Variants in BBOF1 observed in about 807,000 individuals in gnomAD.
BBOF1 encodes basal body orientation factor 1.
Under a neutral mutation model 68.0 loss-of-function variants are expected in BBOF1, and 62 were observed. That is an observed-to-expected ratio of 0.91 (90% confidence interval 0.74 to 1.13). The LOEUF (loss-of-function observed/expected upper bound fraction) is 1.13, where lower values mean the gene tolerates loss of function less well. BBOF1 is among the 50% of genes most tolerant of loss of function. The probability of loss-of-function intolerance (pLI) is 0.00; values close to 1 mark genes in which losing one functional copy is unlikely to be tolerated. For synonymous variants in BBOF1, 208 were observed against 198.8 expected (o/e 1.05, Z -0.39); for missense variants, 534 against 600.1 (o/e 0.89, Z 1.15).
intron 11 of BBOF1, chr14:74,059,448 C>A (rs763961151): frequency 1.5e-5 from 7 of 452,622 alleles, no homozygotes; most frequent in South Asian, 1.1e-4. Flanking sequence ...GTAATCCCAG[C>A]ACTTTGGGAG....
At position 74,065,551 on chromosome 14, in the gene BBOF1, A is replaced by C; in HGVS notation, c.*852A>C. On this transcript the variant is annotated 3_prime_UTR_variant, in exon 12 of 12. Coordinates refer to ENST00000394009, the MANE Select transcript of BBOF1 (RefSeq NM_025057.3). ...AGTGTATTCCGTCTTCCAAGTTACC[A>C]ATCATATAAACAACTTGGAATTCCT... is the stretch of plus-strand genomic sequence containing the variant. 1 of 602,136 alleles carries C rather than the reference A, an allele frequency of 1.7e-6. No homozygotes were observed. Among genetic ancestry groups the C allele is most frequent in the Non-Finnish European group, 2.9e-6 (1 of 342,038 alleles). 37.3% of individuals were successfully genotyped at this position (602,136 alleles called of 1,614,324 possible). A position where few individuals can be genotyped will look rare whatever the true frequency, so the allele number is the denominator to read the frequency against.
chr14:74,076,258 T>C (rs1027150743), intron 9 of BBOF1, among the ~76,000 whole-genome samples: 14 of 152,214 alleles, frequency 9.2e-5, no homozygotes, highest in African/African-American at 3.4e-4. Context: ...AAAAAATGTG[T>C]TGGATAGATA....
chr14:74,045,204 C>G (rs1005812190), intron 5 of BBOF1, among the ~76,000 whole-genome samples: 1 of 152,278 alleles, frequency 6.6e-6, no homozygotes, highest in African/African-American at 2.4e-5. Context: ...AGATTTCACC[C>G]TAGAATATAA....
At position 74,019,499 on chromosome 14, in the gene BBOF1, C is replaced by G; in HGVS notation, c.21C>G (p.Asp7Glu). 6.2e-7 allele frequency: 1 copy of G among 1,606,230 alleles called. No homozygotes were observed. Among genetic ancestry groups the G allele is most frequent in the Non-Finnish European group, 8.5e-7 (1 of 1,176,172 alleles). ...CCAAGATGCCGTCGAAGGGAAAGGA[C>G]AAAAAGAAAGGCAAGAGCAAAGGCA... MPSKGK[D>E]KKKGKSKGKD... The change falls in exon 1 of 12, where the codon GAC becomes GAG. Residue 7 changes from aspartate (D) to glutamate (E), a missense_variant. Asp to Glu is a conservative substitution (Grantham distance 45, BLOSUM62 2). Transcript: ENST00000394009.
chr14:74,067,239 T>G (rs562257926), downstream of BBOF1: 18 of 1,039,992 alleles, frequency 1.7e-5, no homozygotes, highest in African/African-American at 2.9e-4. Context: ...ACAAGATGAC[T>G]CCAAATGACA....
intron 9 of BBOF1, among the ~76,000 whole-genome samples, chr14:74,076,446 CT>C (rs1188457861): frequency 2.0e-5 from 3 of 152,184 alleles, no homozygotes; most frequent in Non-Finnish European, 2.9e-5. Context: ...ACTGCAACCT[CT>C]GCCTCCCGTG....
downstream of BBOF1, among the ~76,000 whole-genome samples, chr14:74,067,997 T>TA (rs35503985): frequency 0.14 from 18,313 of 132,912 alleles, 1,396 homozygotes; most frequent in Admixed American, 0.21. Flanking sequence ...AGAGCAATGT[T>TA]AAAAAAAAAA....
chr14:74,047,321 C>T (rs893598017), intron 6 of BBOF1, among the ~76,000 whole-genome samples: 1 of 152,126 alleles, frequency 6.6e-6, no homozygotes, highest in African/African-American at 2.4e-5. Flanking sequence ...GAGTTTTTCA[C>T]GTCTAGTCAT....
chr14:74,030,572 T>G (rs1205588169), intron 3 of BBOF1, among the ~76,000 whole-genome samples: 2 of 151,982 alleles, frequency 1.3e-5, no homozygotes, highest in Non-Finnish European at 1.5e-5. Flanking sequence ...CTCTGCTCAC[T>G]GCAAGCTCCA....
rs748900725 is a variant in BBOF1 at position 74,047,940 on chromosome 14, G to A, written c.658G>A (p.Asp220Asn). Residue 220 changes from aspartate to asparagine, a missense_variant, in exon 7 of 12, where the codon GAT becomes AAT. Transcript: ENST00000394009. ...TTATATCTATTTCAGGCAATTGAAC[G>A]ATGCTGGAAGAAATGTTTTTAAAGA... ...AHHEAIVQLNDAGRNVFKEND... is the reference protein window; with the variant it reads ...AHHEAIVQLNNAGRNVFKEND... 1.0e-5 allele frequency: 16 copies of A among 1,603,298 alleles called. No homozygotes were observed. The highest frequency in any genetic ancestry group is 3.4e-5 in the South Asian group (3 of 88,270).
At chr14:74,069,055 C>T, downstream of BBOF1, 2 of 1,502,324 alleles carry the variant, frequency 1.3e-6, no homozygotes. Context: ...CCCCTTTCCC[C>T]ACTGCTATGG....
In BBOF1 at chr14:74,038,068, T is replaced by C. The variant is rs57998333; in HGVS notation, c.496-2497T>C. Among the ~76,000 whole-genome samples, 537 of 152,310 alleles carry C rather than the reference T, an allele frequency of 3.5e-3. 3 individuals carry two copies. The highest frequency in any genetic ancestry group is 0.012 in the African/African-American group (510 of 41,578). The stretch of plus-strand genomic sequence containing the variant: ...TTGTCTTTTTATATACCTAAAGATA[T>C]TGTCTTGATATTATATTTATTTATC... On this transcript the variant is annotated intron_variant, in intron 4 of 11. Coordinates refer to ENST00000394009, the MANE Select transcript of BBOF1 (RefSeq NM_025057.3).
downstream of BBOF1, chr14:74,069,136 G>A (rs561604072): frequency 1.6e-3 from 1,239 of 757,746 alleles, 19 homozygotes; most frequent in African/African-American, 0.026. Context: ...ACGGAGTCTC[G>A]CTCTGTTGCC....
intron 11 of BBOF1, chr14:74,057,555 G>A: frequency 1.5e-6 from 2 of 1,326,894 alleles, no homozygotes; most frequent in African/African-American, 1.5e-5. Flanking sequence ...AGTAAACATA[G>A]TGACCTTGTG....
chr14:74,030,656 C>T (rs113100870), intron 3 of BBOF1, among the ~76,000 whole-genome samples: 27 of 151,860 alleles, frequency 1.8e-4, no homozygotes, highest in African/African-American at 4.8e-4. Flanking sequence ...CCATCATGCC[C>T]GGCTAATTTT....
intron 5 of BBOF1, among the ~76,000 whole-genome samples, chr14:74,044,568 T>C (rs1397595779): frequency 6.7e-6 from 1 of 149,344 alleles, no homozygotes; most frequent in African/African-American, 2.5e-5. Flanking sequence ...TCTCATACAA[T>C]CCTCCTGGCT....
At chr14:74,056,200 T>C (rs1414728969) in intron 9 of BBOF1, among the ~76,000 whole-genome samples, 1 of 143,924 alleles carries the variant, frequency 6.9e-6, no homozygotes, top group Non-Finnish European at 1.5e-5. Context: ...CCCGGCTAAT[T>C]TTTTTTTTTT....
intron 8 of BBOF1, among the ~76,000 whole-genome samples, chr14:74,054,111 C>T (rs1191959680): frequency 2.0e-5 from 3 of 151,852 alleles, no homozygotes; most frequent in Non-Finnish European, 2.9e-5. Flanking sequence ...CTCCTGACCT[C>T]GTGATCCGCC....
At chr14:74,071,944 G>C in intron 9 of BBOF1, 1 of 1,614,206 alleles carries the variant, frequency 6.2e-7, no homozygotes, top group East Asian at 2.2e-5. Flanking sequence ...GTCTTCCCTT[G>C]TTCCAATGTG....
Sources: gnomAD v4.1 joint callset for allele counts (sites outside exome capture counted in the v4.1 genomes callset) on GRCh38, gnomAD v4.1.1 for gene constraint, MANE v1.5 for transcripts, NCBI Gene and HGNC (gene_info 2026-07-23, HGNC 2026-07-21) for gene names.